The following AFAP1 variants were observed in gnomAD, a reference collection of about 807,000 sequenced individuals.
AFAP1 encodes actin filament associated protein 1, also known as actin filament-associated protein 1.
A neutral mutation model predicts 93.9 loss-of-function variants in AFAP1; 75 were observed. The observed-to-expected ratio is 0.80, with a 90% confidence interval of 0.66 to 0.97. AFAP1 has a LOEUF of 0.97. Ranked by LOEUF, AFAP1 falls within the 50% of genes least tolerant of loss-of-function variation. AFAP1 has a pLI of 0.00. For synonymous variants in AFAP1, 517 were observed against 430.7 expected (o/e 1.20, Z -2.48); for missense variants, 1,201 against 1,050.8 (o/e 1.14, Z -1.98).
Position 7,848,090 on chromosome 4 carries a change from G to C in AFAP1, c.335-4740C>G, listed in dbSNP as rs796545599. ...GTGAGTGGGTGGACGGAAGGAGGGA[G>C]GGAAGGAAAGAAGGAAGGAAGGAAG... is the stretch of plus-strand genomic sequence containing the variant. On this transcript the variant is annotated intron_variant, in intron 4 of 17. Coordinates refer to ENST00000420658, the MANE Select transcript of AFAP1 (RefSeq NM_001134647.2). Among the ~76,000 whole-genome samples the C allele has an allele frequency of 4.5e-5, 4 of 88,442 alleles. No individual in the cohort carries two copies. In the East Asian group the frequency reaches 9.9e-4, roughly 22 times the overall value. The allele number at this position is 88,442 out of a possible 152,430, so 58.0% of individuals were successfully genotyped here. A position where few individuals can be genotyped will look rare whatever the true frequency, so the allele number is the denominator to read the frequency against.
intron 9 of AFAP1, among the ~76,000 whole-genome samples, chr4:7,803,260 A>G (rs763048002): frequency 3.1e-4 from 47 of 152,232 alleles, no homozygotes; most frequent in Non-Finnish European, 5.7e-4. Context: ...ATGGCTTCTG[A>G]AAAGGAGCAG....
Position 7,838,557 on chromosome 4 carries a change from G to A in AFAP1, c.693C>T (p.Val231=). ...QQGTDPLVLA[V]QSKEQAEQWL... ...ACTGCTCGGCCTGTTCCTTGCTCTGGACGGCGAGAACAAGCGGGTCCGTGC... is the reference window on the plus strand; with the variant it reads ...ACTGCTCGGCCTGTTCCTTGCTCTGAACGGCGAGAACAAGCGGGTCCGTGC... Residue 231 remains valine (V), a synonymous_variant, in exon 6 of 18, where the codon GTC becomes GTT. Transcript: ENST00000420658. The A allele has an allele frequency of 6.2e-7, 1 of 1,614,064 alleles. No individual in the cohort carries two copies. Among genetic ancestry groups the A allele is most frequent in the Non-Finnish European group, 8.5e-7 (1 of 1,179,960 alleles).
intron 3 of AFAP1, among the ~76,000 whole-genome samples, chr4:7,856,876 C>A (rs1474682259): frequency 6.6e-6 from 1 of 152,218 alleles, no homozygotes; most frequent in African/African-American, 2.4e-5. Flanking sequence ...GCACTTGCCA[C>A]ATGAACGTCA....
chr4:7,778,879 G>A lies in AFAP1; in HGVS notation c.1783-3C>T. The A allele has an allele frequency of 6.3e-7, 1 of 1,592,780 alleles. No individual in the cohort carries two copies. The highest frequency in any genetic ancestry group is 8.6e-7 in the Non-Finnish European group (1 of 1,162,228). The stretch of plus-strand genomic sequence containing the variant: ...ACGGGGGGCTTTTTACCCTTGAGCT[G>A]TTGAAATAAACATATAAGAACATTA... On this transcript the variant is annotated splice_region_variant and splice_polypyrimidine_tract_variant and intron_variant, in intron 13 of 17. Transcript: ENST00000420658.
intron 1 of AFAP1, among the ~76,000 whole-genome samples, chr4:7,904,663 C>G (rs202162640): frequency 6.6e-6 from 1 of 151,970 alleles, no homozygotes; most frequent in East Asian, 1.9e-4. Context: ...TCCAAACTTT[C>G]AAAAGTTAAC....
intron 11 of AFAP1, among the ~76,000 whole-genome samples, chr4:7,791,359 G>T (rs1171946993): frequency 6.6e-6 from 1 of 152,134 alleles, no homozygotes. Flanking sequence ...GAAAGATGCT[G>T]GAGCTGCAAG....
At chr4:7,801,114 GA>G (rs1259660531) in intron 9 of AFAP1, among the ~76,000 whole-genome samples, 1 of 152,172 alleles carries the variant, frequency 6.6e-6, no homozygotes, top group Non-Finnish European at 1.5e-5. Flanking sequence ...TTAACATGAA[GA>G]AACAAAAACT....
At chr4:7,845,885 G>A (rs368534617) in intron 4 of AFAP1, among the ~76,000 whole-genome samples, 8,585 of 59,328 alleles carry the variant, frequency 0.14, 327 homozygotes, top group Non-Finnish European at 0.16. Context: ...CACAGGGGTG[G>A]GGGGGGCAAG....
Position 7,763,748 on chromosome 4 carries a change from A to C in AFAP1, c.*17T>G. 1 of 1,551,596 alleles carries C rather than the reference A, an allele frequency of 6.4e-7. No individual in the cohort carries two copies. Among genetic ancestry groups the C allele is most frequent in the East Asian group, 2.4e-5 (1 of 40,908 alleles). On this transcript the variant is annotated 3_prime_UTR_variant, in exon 18 of 18. Transcript: ENST00000420658. ...GGGGGTGTGCAGTCTCTGAGGCTGGAGTGGTGCTGCTGTCCCCTAGGTCCC... is the reference window on the plus strand; with the variant it reads ...GGGGGTGTGCAGTCTCTGAGGCTGGCGTGGTGCTGCTGTCCCCTAGGTCCC...
intron 6 of AFAP1, among the ~76,000 whole-genome samples, chr4:7,834,711 G>A (rs1214290412): frequency 6.6e-6 from 1 of 152,222 alleles, no homozygotes; most frequent in Non-Finnish European, 1.5e-5. Flanking sequence ...AACCTCCAAT[G>A]GCTCAGTGGG....
At chr4:7,824,390 C>T (rs1430083097) in intron 6 of AFAP1, among the ~76,000 whole-genome samples, 1 of 151,200 alleles carries the variant, frequency 6.6e-6, no homozygotes, top group Non-Finnish European at 1.5e-5. Flanking sequence ...TCTGTTTGAC[C>T]CCTACACAAA....
intron 10 of AFAP1, among the ~76,000 whole-genome samples, chr4:7,795,882 G>A (rs993766183): frequency 2.0e-5 from 3 of 152,074 alleles, no homozygotes; most frequent in Non-Finnish European, 4.4e-5. Context: ...TGTATGAAAT[G>A]TCCTCAGAGG....
intron 11 of AFAP1, among the ~76,000 whole-genome samples, chr4:7,793,107 T>C (rs914688985): frequency 1.3e-5 from 2 of 152,196 alleles, no homozygotes; most frequent in African/African-American, 2.4e-5. Context: ...TCTGCCATCA[T>C]TATGTTAAAG....
intron 2 of AFAP1, among the ~76,000 whole-genome samples, chr4:7,870,899 G>A (rs1013259088): frequency 6.6e-6 from 1 of 152,102 alleles, no homozygotes; most frequent in African/African-American, 2.4e-5. Context: ...TAAATGAACT[G>A]TACACTTTAA....
intron 3 of AFAP1, among the ~76,000 whole-genome samples, chr4:7,857,947 A>G (rs1715263336): frequency 6.6e-6 from 1 of 152,198 alleles, no homozygotes; most frequent in African/African-American, 2.4e-5. Flanking sequence ...CTTAGATCCA[A>G]TAATTCCACT....
intron 1 of AFAP1, among the ~76,000 whole-genome samples, chr4:7,933,984 C>T (rs1005424429): frequency 6.6e-5 from 10 of 152,206 alleles, no homozygotes; most frequent in Non-Finnish European, 1.3e-4. Flanking sequence ...TAGTGATTTA[C>T]GTGGAAATCC....
intron 17 of AFAP1, 97 bp downstream of exon 17, chr4:7,768,747 T>TA: frequency 7.2e-7 from 1 of 1,384,782 alleles, no homozygotes; most frequent in East Asian, 2.6e-5. Context: ...GTGGATGCAG[T>TA]AGGAAGAAGA....
chr4:7,812,384 C>A (rs890026179), intron 8 of AFAP1, among the ~76,000 whole-genome samples: 1 of 152,054 alleles, frequency 6.6e-6, no homozygotes, highest in Non-Finnish European at 1.5e-5. Context: ...TCGACTCTGA[C>A]TGCAAAGAAA....
At chr4:7,792,994 TTAGTA>T (rs1390402149) in intron 11 of AFAP1, among the ~76,000 whole-genome samples, 1 of 152,188 alleles carries the variant, frequency 6.6e-6, no homozygotes, top group Non-Finnish European at 1.5e-5. Flanking sequence ...AAACAATGTC[TTAGTA>T]TATTATGAAA....
Sources: allele counts gnomAD v4.1 joint callset (sites outside exome capture counted in the v4.1 genomes callset), GRCh38; gene constraint gnomAD v4.1.1; transcripts MANE v1.5; gene names NCBI Gene and HGNC (gene_info 2026-07-23, HGNC 2026-07-21).